The following CEP72 variants were observed in gnomAD, a reference collection of about 807,000 sequenced individuals.
CEP72 encodes the protein centrosomal protein of 72 kDa.
Under a neutral mutation model 65.7 loss-of-function variants are expected in CEP72, and 78 were observed. That is an observed-to-expected ratio of 1.19 (90% CI 0.99 to 1.43). The LOEUF (loss-of-function observed/expected upper bound fraction) is 1.43, where lower values mean the gene tolerates loss of function less well. CEP72 is among the 40% of genes most tolerant of loss of function. CEP72 has a pLI of 0.00. For missense variants in CEP72, 914 were observed against 832.9 expected (o/e 1.10, Z -1.20); for synonymous variants, 358 against 351.7 (o/e 1.02, Z -0.20).
intron 1 of CEP72, among the ~76,000 whole-genome samples, chr5:612,800 C>G (rs1050690308): frequency 2.0e-5 from 3 of 152,256 alleles, no homozygotes; most frequent in African/African-American, 4.8e-5. Flanking sequence ...CCTGGGCCCA[C>G]TCTGTGGTGA....
intron 11 of CEP72, among the ~76,000 whole-genome samples, chr5:651,798 CTG>C (rs1306811043): frequency 6.6e-6 from 1 of 151,962 alleles, no homozygotes; most frequent in Non-Finnish European, 1.5e-5. Context: ...GAAGGCTGGT[CTG>C]TGGTCAGTTC....
At position 635,478 on chromosome 5, in the gene CEP72, G is replaced by C; in HGVS notation, c.798G>C (p.Glu266Asp). ...RRSSCRGCCL[E>D]KMPWSQLCGE... ...GCAGCTGCAGAGGGTGCTGTCTGGAGAAGATGCCTTGGAGCCAGCTCTGTG... is the reference window on the plus strand; with the variant it reads ...GCAGCTGCAGAGGGTGCTGTCTGGACAAGATGCCTTGGAGCCAGCTCTGTG... The change falls in exon 6 of 12, where the codon GAG becomes GAC. Residue 266 changes from glutamate (E) to aspartate (D), a missense_variant. Transcript: ENST00000264935. 1 of 1,614,156 alleles carries C rather than the reference G, an allele frequency of 6.2e-7. No homozygotes were observed. Among genetic ancestry groups the C allele is most frequent in the Non-Finnish European group, 8.5e-7 (1 of 1,180,008 alleles).
rs1433491321 is a variant in CEP72 at position 623,601 on chromosome 5, G to T, written c.404-870G>T. Among the ~76,000 whole-genome samples the T allele has an allele frequency of 6.6e-6, 1 of 152,090 alleles. No individual in the cohort carries two copies. The highest frequency in any genetic ancestry group is 1.9e-4 in the East Asian group (1 of 5,188). ...TCAGAAGGGAAGCGAGTCTTGGTGG[G>T]CAGAGAGCTATGCGTCGTTAGTGCG... On this transcript the variant is annotated intron_variant, in intron 3 of 11. Transcript: ENST00000264935. This position sits in a 1 kb window ranked among gnomAD's most constrained non-coding sequence, Gnocchi z 5.3.
intron 1 of CEP72, among the ~76,000 whole-genome samples, chr5:615,515 G>GCAA (rs1735939745): frequency 6.6e-6 from 1 of 152,124 alleles, no homozygotes; most frequent in Non-Finnish European, 1.5e-5. Context: ...AGCTTCTTTT[G>GCAA]ATTGGTTTTT....
At chr5:614,623 A>G (rs1735877332) in intron 1 of CEP72, among the ~76,000 whole-genome samples, 1 of 151,668 alleles carries the variant, frequency 6.6e-6, no homozygotes, top group African/African-American at 2.4e-5. Context: ...GGCCTCCCAA[A>G]GTGCTGGGAT....
rs1048225157 is a variant in CEP72, at chr5:635,251, C to T, written c.692-121C>T. 4.7e-5 allele frequency: 34 copies of T among 720,830 alleles called. 1 individual carries two copies. The highest frequency in any genetic ancestry group is 1.9e-4 in the East Asian group (7 of 36,700). 44.7% of individuals were successfully genotyped at this position (720,830 alleles called of 1,614,324 possible). On this transcript the variant is annotated intron_variant, in intron 5 of 11. Coordinates refer to ENST00000264935, the MANE Select transcript of CEP72 (RefSeq NM_018140.4). ...GGATTCATTTCAGTGTCACCCAGCACGTGATTAACCCCTCGGTCTAACAGA... is the reference window on the plus strand; with the variant it reads ...GGATTCATTTCAGTGTCACCCAGCATGTGATTAACCCCTCGGTCTAACAGA...
At chr5:669,169 A>G (rs544394717), downstream of CEP72, among the ~76,000 whole-genome samples, 19 of 152,266 alleles carry the variant, frequency 1.2e-4, no homozygotes, top group African/African-American at 4.3e-4. Flanking sequence ...GGGGAGACAG[A>G]GCCCCAGGGC....
At chr5:618,929 A>T in intron 1 of CEP72, 61 bp from the exon 2 acceptor site, 1 of 1,361,658 alleles carries the variant, frequency 7.3e-7, no homozygotes, top group Non-Finnish European at 1.0e-6. Flanking sequence ...CAAGAACTTG[A>T]CCGTTATTAT....
intron 11 of CEP72, among the ~76,000 whole-genome samples, chr5:650,579 T>C (rs1250614619): frequency 4.9e-4 from 8 of 16,184 alleles, no homozygotes; most frequent in East Asian, 2.7e-3. Flanking sequence ...GACTGTGAGG[T>C]GTGACTGTGG....
intron 11 of CEP72, among the ~76,000 whole-genome samples, chr5:651,466 G>C (rs867473083): frequency 1.3e-5 from 2 of 151,936 alleles, no homozygotes; most frequent in African/African-American, 4.8e-5. Context: ...AGAGATGGTC[G>C]GGCACGGCGG....
chr5:644,458 A>G (rs746638309), intron 10 of CEP72, 33 bp downstream of exon 10: 55 of 1,609,316 alleles, frequency 3.4e-5, no homozygotes, highest in Non-Finnish European at 4.5e-5. Context: ...CACTTTGTAA[A>G]CTTTAGGTGT....
chr5:668,377 C>G (rs1292664338), downstream of CEP72, among the ~76,000 whole-genome samples: 1 of 96,166 alleles, frequency 1.0e-5, no homozygotes, highest in African/African-American at 5.2e-5. Flanking sequence ...GAGGGGTCCG[C>G]GTGGGCCTCG....
chr5:648,975 T>C (rs1344053493), intron 11 of CEP72, among the ~76,000 whole-genome samples: 1 of 142,274 alleles, frequency 7.0e-6, no homozygotes, highest in Non-Finnish European at 1.5e-5. Flanking sequence ...GACTGTGAGA[T>C]GGGACTGTGA....
In CEP72 at chr5:623,331, C is replaced by T. The variant is rs113584299; in HGVS notation, c.404-1140C>T. Among the ~76,000 whole-genome samples the T allele has an allele frequency of 4.1e-3, 617 of 152,340 alleles. 6 individuals carry two copies. Among genetic ancestry groups the T allele is most frequent in the African/African-American group, 0.014 (575 of 41,568 alleles). ...GGCCCCGGGACGGCCTGCTGCCCTG[C>T]GTGGTGCCTCCTGGAGTGGGCTCGG... On this transcript the variant is annotated intron_variant, in intron 3 of 11. Transcript: ENST00000264935. This position sits in a 1 kb window ranked among gnomAD's most constrained non-coding sequence, Gnocchi z 5.3.
chr5:634,276 G>T (rs1330334308), intron 5 of CEP72, among the ~76,000 whole-genome samples: 1 of 151,794 alleles, frequency 6.6e-6, no homozygotes. Context: ...GCAGCTGCAG[G>T]GGGGCATAGT....
chr5:650,215 T>C, intron 11 of CEP72, among the ~76,000 whole-genome samples: 1 of 100,394 alleles, frequency 1.0e-5, no homozygotes, highest in Non-Finnish European at 2.0e-5. Context: ...CTGTGAGGTG[T>C]GACTGTGAGG....
At chr5:615,520 G>T (rs754983874) in intron 1 of CEP72, among the ~76,000 whole-genome samples, 1 of 152,044 alleles carries the variant, frequency 6.6e-6, no homozygotes, top group Non-Finnish European at 1.5e-5. Context: ...CTTTTGATTG[G>T]TTTTTGCATG....
At chr5:666,138 G>A (rs1739901309) in intron 4 of CEP72, 1 of 1,608,172 alleles carries the variant, frequency 6.2e-7, no homozygotes, top group African/African-American at 1.3e-5. Flanking sequence ...AGGGGCACAG[G>A]CGACTTAGGG....
At chr5:668,422 CCG>C (rs1403493783), downstream of CEP72, among the ~76,000 whole-genome samples, 15 of 126,732 alleles carry the variant, frequency 1.2e-4, no homozygotes, top group African/African-American at 4.3e-4. Flanking sequence ...AGAGAGGGGG[CCG>C]CGTGGGCGCC....
Sources: allele counts gnomAD v4.1 joint callset (sites outside exome capture counted in the v4.1 genomes callset), GRCh38; gene constraint gnomAD v4.1.1; non-coding constraint Gnocchi (gnomAD v3.1); transcripts MANE v1.5; gene names NCBI Gene and HGNC (gene_info 2026-07-23, HGNC 2026-07-21).